Variants in DNAH6 observed in about 807,000 individuals in gnomAD.
The protein encoded by DNAH6 is axonemal beta dynein heavy chain 6.
A neutral mutation model predicts 491.4 loss-of-function variants in DNAH6; 340 were observed. That is an observed-to-expected ratio of 0.69 (90% CI 0.63 to 0.76). DNAH6 has a LOEUF of 0.76. DNAH6 is among the 30% of genes least tolerant of loss of function. DNAH6 has a pLI of 0.00. For missense variants in DNAH6, 4,443 were observed against 4,972.2 expected, an observed-to-expected ratio of 0.89 and a Z score of 3.20; for synonymous variants, 1,603 against 1,686.1, an observed-to-expected ratio of 0.95 and a Z score of 1.21.
rs750264331 is a variant in DNAH6 at position 84,653,369 on chromosome 2, A to G, written c.5129A>G (p.Tyr1710Cys). The G allele has an allele frequency of 3.2e-6, 5 of 1,548,918 alleles. No individual in the cohort carries two copies. The highest frequency in any genetic ancestry group is 4.4e-6 in the Non-Finnish European group (5 of 1,145,430). ...GGAGTCCAAATTCCAGAACATGATT[A>G]TGGTATTTTACAATCAACAATTGTG... ...FPGVQIPEHD[Y>C]GILQSTIVDV... is the part of the protein sequence containing the mutation. The change falls in exon 34 of 77, where the codon TAT becomes TGT. Residue 1710 changes from tyrosine (Y) to cysteine (C), a missense_variant. Transcript: ENST00000389394.
chr2:84,544,371 C>T lies in DNAH6; in HGVS notation c.801C>T (p.Leu267=), dbSNP rs1176228127. The change falls in exon 5 of 77, where the codon CTC becomes CTT. Residue 267 remains leucine (L), a synonymous_variant. Coordinates refer to ENST00000389394, the MANE Select transcript of DNAH6 (RefSeq NM_001370.2). The part of the protein sequence containing the change: ...WEQEYLYHRE[L]TKIPIFSLFR... ...AGGAATATCTGTATCACAGAGAACT[C>T]ACTAAGATTCCCATATTTTCACTGT... The T allele has an allele frequency of 1.9e-6, 3 of 1,545,956 alleles. No individual in the cohort carries two copies. The highest frequency in any genetic ancestry group is 1.8e-6 in the Non-Finnish European group (2 of 1,142,016).
chr2:84,573,639 T>A (rs1682123412), intron 12 of DNAH6, 52 bp downstream of exon 12: 1 of 1,464,330 alleles, frequency 6.8e-7, no homozygotes, highest in African/African-American at 1.5e-5. Context: ...TACTGAGATT[T>A]GTTGTTTTTT....
chr2:84,769,416 A>G (rs562024296), intron 64 of DNAH6, among the ~76,000 whole-genome samples: 1 of 152,374 alleles, frequency 6.6e-6, no homozygotes, highest in South Asian at 2.1e-4. Context: ...CAACTTTATC[A>G]AAACTCTGGA....
chr2:84,713,262 A>T lies in DNAH6; in HGVS notation c.9543+3A>T. ...CAAATCCCCACTATCTGCCTGAGGT[A>T]TGAACTACTGGTCTGGAATTCTCAA... On this transcript the variant is annotated splice_donor_region_variant and intron_variant, in intron 57 of 76. Coordinates refer to ENST00000389394, the MANE Select transcript of DNAH6 (RefSeq NM_001370.2). 6.4e-7 allele frequency: 1 copy of T among 1,551,328 alleles called. No individual in the cohort carries two copies. Among genetic ancestry groups the T allele is most frequent in the Non-Finnish European group, 8.7e-7 (1 of 1,146,664 alleles).
Position 84,733,425 on chromosome 2 carries a change from ATT to A in DNAH6, c.10207-16_10207-15del, listed in dbSNP as rs1158013252. 3 of 1,545,494 alleles carry A rather than the reference ATT, an allele frequency of 1.9e-6. No homozygotes were observed. In the Admixed American group the frequency reaches 6.0e-5, roughly 31 times the overall value. ...TGATTGCCTTTGTGAATTATTATTC[ATT>A]TTCTGTCTTCAAACAGGAACGCCCA... On this transcript the variant is annotated splice_polypyrimidine_tract_variant and intron_variant, in intron 61 of 76. Coordinates refer to ENST00000389394, the MANE Select transcript of DNAH6 (RefSeq NM_001370.2).
intron 63 of DNAH6, among the ~76,000 whole-genome samples, chr2:84,759,578 C>CA (rs1046635626): frequency 8.6e-5 from 13 of 151,482 alleles, no homozygotes; most frequent in African/African-American, 2.4e-4. Context: ...AAGATCTCTA[C>CA]AAAAAAAACT....
chr2:84,727,731 A>G lies in DNAH6; in HGVS notation c.10035A>G (p.Val3345=), dbSNP rs192574147. 577 of 1,551,676 alleles carry G rather than the reference A, an allele frequency of 3.7e-4. 1 individual carries two copies. The Middle Eastern group carries it at 4.2e-3, about 11-fold the overall frequency. The change falls in exon 61 of 77, where the codon GTA becomes GTG. Residue 3345 remains valine, a synonymous_variant. Coordinates refer to ENST00000389394, the MANE Select transcript of DNAH6 (RefSeq NM_001370.2). ...KTENLQQRLD[V]LLEQTLLTAY... ...AAAATCTACAACAGCGCCTGGACGT[A>G]CTACTAGAACAAACTCTCCTAACTG...
intron 2 of DNAH6, among the ~76,000 whole-genome samples, chr2:84,525,332 T>G (rs568523101): frequency 3.9e-5 from 6 of 152,064 alleles, no homozygotes; most frequent in Non-Finnish European, 8.8e-5. Context: ...CTTCTAAGTA[T>G]TCATTGATAA....
At chr2:84,728,231 A>G (rs1267313789) in intron 61 of DNAH6, among the ~76,000 whole-genome samples, 2 of 152,172 alleles carry the variant, frequency 1.3e-5, no homozygotes, top group Non-Finnish European at 2.9e-5. Context: ...GAGTTCCATT[A>G]AACCTCTTTT....
intron 14 of DNAH6, among the ~76,000 whole-genome samples, chr2:84,583,660 T>C (rs1683263805): frequency 6.6e-6 from 1 of 152,210 alleles, no homozygotes. Flanking sequence ...GTTTCCCCCA[T>C]ACTGTTCTCA....
chr2:84,529,092 T>A lies in DNAH6; in HGVS notation c.588T>A (p.Asn196Lys). The stretch of plus-strand genomic sequence containing the variant: ...AAATCATTAAAATAATACGTGAAAA[T>A]GAACATCTTGGATTTCTTTATATGA... ...PLQIIKIIRE[N>K]EHLGFLYMIP... The change falls in exon 4 of 77, where the codon AAT (asparagine) becomes AAA (lysine). Residue 196 changes from asparagine to lysine, a missense_variant. Coordinates refer to ENST00000389394, the MANE Select transcript of DNAH6 (RefSeq NM_001370.2). 6.4e-7 allele frequency: 1 copy of A among 1,551,024 alleles called. No homozygotes were observed. The highest frequency in any genetic ancestry group is 8.7e-7 in the Non-Finnish European group (1 of 1,146,592).
intron 4 of DNAH6, among the ~76,000 whole-genome samples, chr2:84,534,678 T>C (rs990992386): frequency 1.4e-4 from 21 of 152,136 alleles, no homozygotes; most frequent in African/African-American, 5.1e-4. Flanking sequence ...CTGATTATTT[T>C]TTCTATCCCT....
At chr2:84,473,403 T>G in the DNAH6 span, among the ~76,000 whole-genome samples, 1 of 152,216 alleles carries the variant, frequency 6.6e-6, no homozygotes, top group South Asian at 2.1e-4. Context: ...AAAAAGCCAC[T>G]CAACCTGATC....
intron 4 of DNAH6, among the ~76,000 whole-genome samples, chr2:84,534,955 CAT>C (rs1298272585): frequency 6.6e-6 from 1 of 151,712 alleles, no homozygotes; most frequent in East Asian, 1.9e-4. Context: ...TATTAGAAAA[CAT>C]ATTCTAATAA....
chr2:84,598,406 T>TAA (rs1390725954), intron 18 of DNAH6, among the ~76,000 whole-genome samples: 2 of 152,278 alleles, frequency 1.3e-5, no homozygotes, highest in East Asian at 3.9e-4. Context: ...TGGTGAAAGA[T>TAA]ATCTGAGTTC....
the DNAH6 span, among the ~76,000 whole-genome samples, chr2:84,508,591 T>C: frequency 2.0e-5 from 3 of 152,218 alleles, no homozygotes; most frequent in African/African-American, 7.2e-5. Context: ...ATCTTAGTTA[T>C]TTCTTGCCTT....
rs1423764017 is a variant in DNAH6, at chr2:84,634,621, A to G, written c.4633A>G (p.Arg1545Gly). The change falls in exon 30 of 77, where the codon AGG becomes GGG. Residue 1545 changes from arginine (R) to glycine (G), a missense_variant. Around this residue, in one of 3 missense-constraint regions of DNAH6, gnomAD observed 2,977 missense variants for 3,296.6 expected, o/e 0.90. Transcript: ENST00000389394. ...SVIAQQLITI[R>G]NAKAAKLSRF... ...CATCGCGCAGCAACTCATTACCATTAGGAACGCCAAAGCGGCAAAGGTAAG... is the reference window on the plus strand; with the variant it reads ...CATCGCGCAGCAACTCATTACCATTGGGAACGCCAAAGCGGCAAAGGTAAG... 1.3e-6 allele frequency: 2 copies of G among 1,539,546 alleles called. No homozygotes were observed. Among genetic ancestry groups the G allele is most frequent in the Non-Finnish European group, 1.8e-6 (2 of 1,142,750 alleles).
At chr2:84,545,558 T>TA (rs1466989268) in intron 5 of DNAH6, among the ~76,000 whole-genome samples, 1 of 152,198 alleles carries the variant, frequency 6.6e-6, no homozygotes, top group African/African-American at 2.4e-5. Flanking sequence ...TCTCTTATTT[T>TA]ATGTGCTGAC....
intron 63 of DNAH6, among the ~76,000 whole-genome samples, chr2:84,753,285 T>C (rs1188992473): frequency 1.3e-5 from 2 of 152,196 alleles, no homozygotes; most frequent in African/African-American, 4.8e-5. Flanking sequence ...AAGTTTCTTA[T>C]CAGATATATG....
Sources: gnomAD v4.1 joint callset for allele counts (sites outside exome capture counted in the v4.1 genomes callset) on GRCh38, gnomAD v4.1.1 for gene constraint, gnomAD v4.1.1 regional missense constraint, MANE v1.5 for transcripts, NCBI Gene and HGNC (gene_info 2026-07-23, HGNC 2026-07-21) for gene names.